The following INO80E variants were observed in gnomAD, a reference collection of about 807,000 sequenced individuals.
The protein encoded by INO80E is INO80 complex subunit E.
A neutral mutation model predicts 27.3 loss-of-function variants in INO80E; 20 were observed. That is an observed-to-expected ratio of 0.73 (90% CI 0.51 to 1.06). The LOEUF is 1.06. INO80E is among the 50% of genes least tolerant of loss of function. The pLI is 0.00. For synonymous variants in INO80E, 167 were observed against 145.9 expected (o/e 1.14, Z -1.04); for missense variants, 357 against 322.8 (o/e 1.11, Z -0.81).
intron 6 of INO80E, 71 bp downstream of exon 6, chr16:30,001,601 CG>C: frequency 1.4e-6 from 2 of 1,429,926 alleles, no homozygotes. Flanking sequence ...AGGCTGAAGG[CG>C]GGGGCCTGTC....
chr16:30,004,829 A>AG (rs1331658951), intron 6 of INO80E, among the ~76,000 whole-genome samples: 2 of 152,072 alleles, frequency 1.3e-5, no homozygotes, highest in African/African-American at 4.8e-5. Context: ...GAGGGAGAGG[A>AG]GGAGTAGGGA....
In INO80E at chr16:30,000,086, A is replaced by T. The variant is rs117390841; in HGVS notation, c.206-672A>T. Among the ~76,000 whole-genome samples, 13 of 152,304 alleles carry T rather than the reference A, an allele frequency of 8.5e-5. No individual in the cohort carries two copies. The East Asian group carries it at 2.5e-3, about 29-fold the overall frequency. On this transcript the variant is annotated intron_variant, in intron 3 of 6. Transcript: ENST00000563197. ...AGTCACAGACCTGGCTTGGAGTCTTAGCCTCACACCTTACTTTCTGAGCCT... is the reference window on the plus strand; with the variant it reads ...AGTCACAGACCTGGCTTGGAGTCTTTGCCTCACACCTTACTTTCTGAGCCT...
Position 30,005,307 on chromosome 16 carries a change from G to GTGCC in INO80E, c.600_601insTGCC (p.Thr201CysfsTer8). 1 of 1,387,160 alleles carries GTGCC rather than the reference G, an allele frequency of 7.2e-7. No individual in the cohort carries two copies. Among genetic ancestry groups the GTGCC allele is most frequent in the Non-Finnish European group, 9.4e-7 (1 of 1,068,430 alleles). The allele number at this position is 1,387,160 out of a possible 1,614,324, so 85.9% of individuals were successfully genotyped here. A position where few individuals can be genotyped will look rare whatever the true frequency, so the allele number is the denominator to read the frequency against. Reference sequence around the variant, plus strand: ...CTGGGGCTGGGGTCGGGACAACCCTGACCCCCCTCCCACCCCCTAAGATGC... The same window carrying GTGCC: ...CTGGGGCTGGGGTCGGGACAACCCTGTGCCACCCCCCTCCCACCCCCTAAGATGC... On this transcript the variant is annotated frameshift_variant, in exon 7 of 7. Transcript: ENST00000563197. LOFTEE classifies it high-confidence loss of function.
intron 3 of INO80E, 21 bp downstream of exon 3, chr16:29,996,881 T>C: frequency 1.2e-6 from 2 of 1,612,976 alleles, no homozygotes; most frequent in South Asian, 1.1e-5. Flanking sequence ...TCTTCAAAAA[T>C]TGGTGGAGAG....
At position 30,005,630 on chromosome 16, in the gene INO80E, A is replaced by C; in HGVS notation, c.*188A>C. On this transcript the variant is annotated 3_prime_UTR_variant, in exon 7 of 7. Coordinates refer to ENST00000563197, the MANE Select transcript of INO80E (RefSeq NM_173618.3). ...AGGGTGGCAGGGGCCCTGCCTTCAA[A>C]CCCCGGCCCCCTCCAGGGGACAGTT... is the stretch of plus-strand genomic sequence containing the variant. 2 of 606,856 alleles carry C rather than the reference A, an allele frequency of 3.3e-6. No individual in the cohort carries two copies. The highest frequency in any genetic ancestry group is 1.9e-5 in the African/African-American group (1 of 52,010). 37.6% of individuals were successfully genotyped at this position (606,856 alleles called of 1,614,324 possible).
chr16:29,998,660 A>C (rs2070229545), intron 3 of INO80E, among the ~76,000 whole-genome samples: 1 of 152,162 alleles, frequency 6.6e-6, no homozygotes, highest in African/African-American at 2.4e-5. Flanking sequence ...ACAGTTTGAA[A>C]AAGCCCTAAG....
chr16:30,000,610 C>A (rs771032528), intron 3 of INO80E, 148 bp from the exon 4 acceptor site: 15 of 623,408 alleles, frequency 2.4e-5, no homozygotes, highest in Admixed American at 1.1e-4. Context: ...AGCGATCTGG[C>A]CACCTCAGCC....
chr16:29,996,562 C>T lies in INO80E; in HGVS notation c.97C>T (p.Gln33Ter). The T allele has an allele frequency of 6.4e-7, 1 of 1,568,416 alleles. No homozygotes were observed. Among genetic ancestry groups the T allele is most frequent in the Non-Finnish European group, 8.6e-7 (1 of 1,156,694 alleles). ...CGTGATACAGGAGCACGAGTGCTTC[C>T]AGGAGGAGCTGAGGAAAGCGCAAAG... is the stretch of plus-strand genomic sequence containing the variant. ...KFLIYEHECF[Q>*]EELRKAQRKL... Residue 33 changes from glutamine to a stop codon, truncating the protein, a stop_gained, in exon 2 of 7, where the codon CAG becomes TAG. Transcript: ENST00000563197. LOFTEE classifies it high-confidence loss of function.
Position 30,005,377 on chromosome 16 carries a change from G to A in INO80E, c.670G>A (p.Asp224Asn), listed in dbSNP as rs753830509. Residue 224 changes from aspartate (D) to asparagine (N), a missense_variant, in exon 7 of 7, where the codon GAT becomes AAT. By Grantham distance (23) the Asp-to-Asn change is conservative (BLOSUM62 1). Transcript: ENST00000563197. Reference protein sequence around the residue: ...LSTVPRQMFSDAGSGDDALDG... With the variant: ...LSTVPRQMFSNAGSGDDALDG... Reference sequence around the variant, plus strand: ...CACGGTCCCTCGGCAGATGTTCAGCGATGCAGGTAGCGGGGACGATGCCTT... The same window carrying A: ...CACGGTCCCTCGGCAGATGTTCAGCAATGCAGGTAGCGGGGACGATGCCTT... 2 of 1,586,996 alleles carry A rather than the reference G, an allele frequency of 1.3e-6. No homozygotes were observed. Among genetic ancestry groups the A allele is most frequent in the Admixed American group, 1.8e-5 (1 of 55,896 alleles).
Position 30,005,771 on chromosome 16 carries a change from T to G in INO80E, c.*329T>G. 2.1e-6 allele frequency: 1 copy of G among 468,564 alleles called. No homozygotes were observed. 29.0% of individuals were successfully genotyped at this position (468,564 alleles called of 1,614,324 possible). ...CTAGGTTTTTTCAATGAAGTTTCTG[T>G]ATTAAAGGAGTGGCTCTGGGTTTGT... On this transcript the variant is annotated 3_prime_UTR_variant, in exon 7 of 7. Transcript: ENST00000563197.
At position 30,005,355 on chromosome 16, in the gene INO80E, G is replaced by A. The variant is rs531403814; in HGVS notation, c.648G>A (p.Thr216=). 588 of 1,470,404 alleles carry A rather than the reference G, an allele frequency of 4.0e-4. 9 individuals carry two copies. In the South Asian group the frequency reaches 6.4e-3, roughly 16 times the overall value. The allele number at this position is 1,470,404 out of a possible 1,614,324, so 91.1% of individuals were successfully genotyped here. ...TGCCCCCCCCCACGATCCTGAGCAC[G>A]GTCCCTCGGCAGATGTTCAGCGATG... The part of the protein sequence containing the change: ...PKMPPPTILS[T]VPRQMFSDAG... Residue 216 remains threonine (T), a synonymous_variant, in exon 7 of 7, where the codon ACG becomes ACA. Coordinates refer to ENST00000563197, the MANE Select transcript of INO80E (RefSeq NM_173618.3).
intron 3 of INO80E, among the ~76,000 whole-genome samples, chr16:29,999,091 G>A (rs1257824542): frequency 2.0e-5 from 3 of 152,156 alleles, no homozygotes; most frequent in Non-Finnish European, 4.4e-5. Context: ...TTGGCATGTG[G>A]CAGCCAGCCA....
chr16:30,000,755 C>G lies in INO80E; in HGVS notation c.206-3C>G. On this transcript the variant is annotated splice_region_variant and splice_polypyrimidine_tract_variant and intron_variant, in intron 3 of 6. Coordinates refer to ENST00000563197, the MANE Select transcript of INO80E (RefSeq NM_173618.3). ...CCCCACTGACCAGCTGTCCCCATCA[C>G]AGACTCAGATGCCACTGCATCATCA... is the stretch of plus-strand genomic sequence containing the variant. The G allele has an allele frequency of 1.2e-6, 2 of 1,613,830 alleles. No individual in the cohort carries two copies. The highest frequency in any genetic ancestry group is 1.7e-6 in the Non-Finnish European group (2 of 1,179,696).
At chr16:30,004,205 G>A (rs1244379973) in intron 6 of INO80E, 3 of 152,414 alleles carry the variant, frequency 2.0e-5, no homozygotes, top group Non-Finnish European at 4.4e-5. Flanking sequence ...ACCAGGTTCA[G>A]CCTCCTCTGC....
At chr16:29,997,232 A>C (rs766489213) in intron 3 of INO80E, among the ~76,000 whole-genome samples, 5 of 152,222 alleles carry the variant, frequency 3.3e-5, no homozygotes, top group Non-Finnish European at 7.3e-5. Flanking sequence ...ACAGGGGTTG[A>C]TGAATTGTTT....
rs4608357 is a variant in INO80E at position 29,996,403 on chromosome 16, C to T, written c.81+12C>T. The T allele has an allele frequency of 6.5e-4, 1,022 of 1,580,370 alleles. 3 individuals carry two copies. Among genetic ancestry groups the T allele is most frequent in the Middle Eastern group, 5.1e-3 (31 of 6,020 alleles). On this transcript the variant is annotated intron_variant, in intron 1 of 6. Coordinates refer to ENST00000563197, the MANE Select transcript of INO80E (RefSeq NM_173618.3). ...AGTTCCTCATCTACGTGAGTGCTGCCGCGGGAAGGCTGTGGGGGATGAGGC... is the reference window on the plus strand; with the variant it reads ...AGTTCCTCATCTACGTGAGTGCTGCTGCGGGAAGGCTGTGGGGGATGAGGC...
At position 30,005,307 on chromosome 16, in the gene INO80E, GAC is replaced by G; in HGVS notation, c.601_602del (p.Thr201ProfsTer6). Reference sequence around the variant, plus strand: ...CTGGGGCTGGGGTCGGGACAACCCTGACCCCCCTCCCACCCCCTAAGATGCCC... The same window carrying G: ...CTGGGGCTGGGGTCGGGACAACCCTGCCCCCTCCCACCCCCTAAGATGCCC... ...GSGAGVGTTL[T>X]PLPPPKMPPP... On this transcript the variant is annotated frameshift_variant, in exon 7 of 7. Coordinates refer to ENST00000563197, the MANE Select transcript of INO80E (RefSeq NM_173618.3). LOFTEE classifies it high-confidence loss of function. The G allele has an allele frequency of 7.2e-7, 1 of 1,387,110 alleles. No individual in the cohort carries two copies. Among genetic ancestry groups the G allele is most frequent in the Non-Finnish European group, 9.4e-7 (1 of 1,068,384 alleles). The allele number at this position is 1,387,110 out of a possible 1,614,324, so 85.9% of individuals were successfully genotyped here. A position where few individuals can be genotyped will look rare whatever the true frequency, so the allele number is the denominator to read the frequency against.
intron 6 of INO80E, 184 bp downstream of exon 6, chr16:30,001,714 G>A (rs2070363290): frequency 1.0e-5 from 6 of 590,628 alleles, no homozygotes; most frequent in Non-Finnish European, 1.8e-5. Flanking sequence ...GACAAATCAG[G>A]GCAGAACCAG....
In INO80E at chr16:30,005,293, G is replaced by A; in HGVS notation, c.586G>A (p.Val196Ile). 6.7e-7 allele frequency: 1 copy of A among 1,491,314 alleles called. No individual in the cohort carries two copies. Among genetic ancestry groups the A allele is most frequent in the South Asian group, 1.3e-5 (1 of 76,598 alleles). 92.4% of individuals were successfully genotyped at this position (1,491,314 alleles called of 1,614,324 possible). ...CCCTGGCCGGGGTTCTGGGGCTGGG[G>A]TCGGGACAACCCTGACCCCCCTCCC... ...TFPGRGSGAG[V>I]GTTLTPLPPP... Residue 196 changes from valine (V) to isoleucine (I), a missense_variant, in exon 7 of 7, where the codon GTC becomes ATC. Physicochemically the swap from Val to Ile is conservative, Grantham distance 29 (BLOSUM62 3). Transcript: ENST00000563197.
Sources: gnomAD v4.1 joint callset for allele counts (sites outside exome capture counted in the v4.1 genomes callset) on GRCh38, gnomAD v4.1.1 for gene constraint, MANE v1.5 for transcripts, NCBI Gene and HGNC (gene_info 2026-07-23, HGNC 2026-07-21) for gene names.